TLN2: variants seen among roughly 807,000 people sequenced by gnomAD.
The protein encoded by TLN2 is talin 2, also known as talin-2.
Under a neutral mutation model 294.7 loss-of-function variants are expected in TLN2, and 118 were observed. The observed-to-expected ratio is 0.40, with a 90% confidence interval of 0.34 to 0.47. TLN2 has a LOEUF of 0.47. Among genes scored for constraint, TLN2 ranks in the 20% least tolerant of loss-of-function variants. TLN2 has a pLI of 0.84. For synonymous variants in TLN2, 1,431 were observed against 1,304.5 expected (o/e 1.10, Z -2.09); for missense variants, 3,083 against 3,282.2 (o/e 0.94, Z 1.48).
chr15:62,728,357 A>C (rs1169468938), intron 28 of TLN2, among the ~76,000 whole-genome samples: 1 of 152,160 alleles, frequency 6.6e-6, no homozygotes, highest in Non-Finnish European at 1.5e-5. Context: ...GAATATAGCT[A>C]TTCTTTATGC....
chr15:62,505,021 A>T (rs754456617), intron 1 of TLN2, among the ~76,000 whole-genome samples: 16 of 151,998 alleles, frequency 1.1e-4, no homozygotes, highest in Non-Finnish European at 2.1e-4. Context: ...TAGTGGCGCG[A>T]TCTCAGCTCA....
intron 52 of TLN2, among the ~76,000 whole-genome samples, chr15:62,811,802 A>G (rs1205933810): frequency 6.6e-6 from 1 of 152,082 alleles, no homozygotes. Context: ...ACTTGAGGTC[A>G]GCAGTTCAAG....
chr15:62,776,134 A>G (rs1363073370), intron 42 of TLN2, among the ~76,000 whole-genome samples: 1 of 152,010 alleles, frequency 6.6e-6, no homozygotes, highest in African/African-American at 2.4e-5. Flanking sequence ...TCATTCATTC[A>G]CTTAGCCCCT....
At chr15:62,747,701 A>G (rs2061691345) in intron 32 of TLN2, among the ~76,000 whole-genome samples, 1 of 152,244 alleles carries the variant, frequency 6.6e-6, no homozygotes, top group Non-Finnish European at 1.5e-5. Context: ...ACCCCTGCAC[A>G]GTCAAAAATT....
At chr15:62,654,962 C>G (rs1487282957) in intron 7 of TLN2, among the ~76,000 whole-genome samples, 1 of 151,726 alleles carries the variant, frequency 6.6e-6, no homozygotes, top group Admixed American at 6.6e-5. Flanking sequence ...GGCCTCTTTC[C>G]TCCTTTCATT....
chr15:62,808,054 G>A (rs2141167245), intron 51 of TLN2, among the ~76,000 whole-genome samples: 1 of 152,222 alleles, frequency 6.6e-6, no homozygotes, highest in East Asian at 1.9e-4. Flanking sequence ...AGTCGCCCTA[G>A]TCCAGCTCTG....
rs148093264 is a variant in TLN2, at chr15:62,776,575, T to C, written c.5368-189T>C. ...CTGATTGTAAAAAGAGATCTTTTTC[T>C]ATTTGTCTTTCTGATTTTTATTTAC... On this transcript the variant is annotated intron_variant, in intron 42 of 58. Transcript: ENST00000636159. 1.0e-3 allele frequency among the ~76,000 whole-genome samples: 159 copies of C among 152,328 alleles called. 1 individual carries two copies. Among genetic ancestry groups the C allele is most frequent in the African/African-American group, 3.7e-3 (155 of 41,566 alleles).
rs773261822 is a variant in TLN2 at position 62,761,676 on chromosome 15, A to T, written c.4639-5A>T. On this transcript the variant is annotated splice_polypyrimidine_tract_variant and splice_region_variant and intron_variant, in intron 37 of 58. Coordinates refer to ENST00000636159, the MANE Select transcript of TLN2 (RefSeq NM_015059.3). ...GGGCAGAATCTCCCTGTTTTCTCCC[A>T]TCAGGCCCTGGATGGGGATTTCTCT... 1.2e-6 allele frequency: 2 copies of T among 1,614,046 alleles called. No homozygotes were observed. Among genetic ancestry groups the T allele is most frequent in the African/African-American group, 2.7e-5 (2 of 74,930 alleles).
Position 62,734,192 on chromosome 15 carries a change from G to A in TLN2, c.3359-2686G>A, listed in dbSNP as rs182908870. On this transcript the variant is annotated intron_variant, in intron 28 of 58. Coordinates refer to ENST00000636159, the MANE Select transcript of TLN2 (RefSeq NM_015059.3). ...TTTAAATTGTATGAGTCTATGAAAG[G>A]TTTTTCACTAAATGGGTTTTGCATA... 8 of 152,170 alleles carry A rather than the reference G, an allele frequency of 5.3e-5. No individual in the cohort carries two copies. In the East Asian group the frequency reaches 1.4e-3, roughly 26 times the overall value. 9.4% of individuals were successfully genotyped at this position (152,170 alleles called of 1,614,324 possible). A position where few individuals can be genotyped will look rare whatever the true frequency, so the allele number is the denominator to read the frequency against.
intron 1 of TLN2, among the ~76,000 whole-genome samples, chr15:62,560,095 C>T (rs1215335888): frequency 2.0e-5 from 3 of 152,136 alleles, no homozygotes; most frequent in South Asian, 2.1e-4. Flanking sequence ...TAGATGGCTT[C>T]GGGAAAGTGG....
intron 19 of TLN2, among the ~76,000 whole-genome samples, 176 bp downstream of exon 19, chr15:62,703,040 A>G (rs772326086): frequency 4.6e-5 from 7 of 151,994 alleles, no homozygotes; most frequent in African/African-American, 7.2e-5. Context: ...ATTTTTTTTA[A>G]TAGGAAAACT....
chr15:62,655,326 C>T (rs900121737), intron 7 of TLN2, among the ~76,000 whole-genome samples: 8 of 151,996 alleles, frequency 5.3e-5, no homozygotes, highest in South Asian at 2.1e-4. Flanking sequence ...GGGGAGTGGT[C>T]GAATCCTGTG....
intron 43 of TLN2, among the ~76,000 whole-genome samples, chr15:62,777,235 A>G (rs1339411587): frequency 1.3e-5 from 2 of 152,120 alleles, no homozygotes; most frequent in African/African-American, 4.8e-5. Context: ...GCCAAAATGA[A>G]ATAAAAGTGA....
chr15:62,458,594 C>T (rs112378355), intron 1 of TLN2, among the ~76,000 whole-genome samples: 6,999 of 101,528 alleles, frequency 0.069, 266 homozygotes, highest in Non-Finnish European at 0.09. Flanking sequence ...GGCAAAACCT[C>T]GTCTCTACAG....
chr15:62,796,047 A>G, intron 46 of TLN2, 80 bp from the exon 47 acceptor site: 1 of 1,531,372 alleles, frequency 6.5e-7, no homozygotes, highest in Non-Finnish European at 8.9e-7. Flanking sequence ...CTAGGAGAGA[A>G]TTCATTATTT....
chr15:62,479,641 C>T (rs1033230018), intron 1 of TLN2, among the ~76,000 whole-genome samples: 1 of 152,190 alleles, frequency 6.6e-6, no homozygotes, highest in Non-Finnish European at 1.5e-5. Context: ...CTTGCACCAC[C>T]ACATCTGGCT....
At chr15:62,729,739 G>C (rs899859853) in intron 28 of TLN2, among the ~76,000 whole-genome samples, 1 of 151,998 alleles carries the variant, frequency 6.6e-6, no homozygotes, top group Non-Finnish European at 1.5e-5. Context: ...GTATTTATAG[G>C]TAGTGTAATT....
At chr15:62,489,474 T>C (rs568199432) in intron 1 of TLN2, among the ~76,000 whole-genome samples, 3 of 152,282 alleles carry the variant, frequency 2.0e-5, no homozygotes, top group East Asian at 3.9e-4. Context: ...CCATTAGTAA[T>C]TGGTGAACTG....
Position 62,659,277 on chromosome 15 carries a change from G to A in TLN2, c.788+1379G>A, listed in dbSNP as rs145678132. The stretch of plus-strand genomic sequence containing the variant: ...TCACACTTACTTAAAGAGGTTCTCC[G>A]CAAATAGCTTCTGACTTCTAACACC... On this transcript the variant is annotated intron_variant, in intron 9 of 58. Transcript: ENST00000636159. Among the ~76,000 whole-genome samples the A allele has an allele frequency of 3.0e-3, 463 of 152,266 alleles. 3 individuals carry two copies. The highest frequency in any genetic ancestry group is 0.01 in the African/African-American group (435 of 41,572).
Sources: gnomAD v4.1 joint callset for allele counts (sites outside exome capture counted in the v4.1 genomes callset) on GRCh38, gnomAD v4.1.1 for gene constraint, MANE v1.5 for transcripts, NCBI Gene and HGNC (gene_info 2026-07-23, HGNC 2026-07-21) for gene names.